PEX11G: variants seen among roughly 807,000 people sequenced by gnomAD.
The protein encoded by PEX11G is peroxisomal membrane protein 11C.
In PEX11G, 20 loss-of-function variants were observed where a neutral mutation model predicts 22.5. The observed-to-expected ratio is 0.89, with a 90% confidence interval of 0.62 to 1.29. The LOEUF (loss-of-function observed/expected upper bound fraction) is 1.29. PEX11G is among the 50% of genes most tolerant of loss of function. The pLI is 0.00. For synonymous variants in PEX11G, 141 were observed against 154.5 expected, an observed-to-expected ratio of 0.91 and a Z score of 0.65; for missense variants, 347 against 331.3, an observed-to-expected ratio of 1.05 and a Z score of -0.37.
chr19:7,477,195 G>T lies in PEX11G; in HGVS notation c.*7C>A. Reference sequence around the variant, plus strand: ...TCTGGCTGTGTCCCTGTGCTCTTCCGGCAGTGTCAGGGGGTAGTGGCCTCG... The same window carrying T: ...TCTGGCTGTGTCCCTGTGCTCTTCCTGCAGTGTCAGGGGGTAGTGGCCTCG... On this transcript the variant is annotated 3_prime_UTR_variant, in exon 5 of 5. Coordinates refer to ENST00000221480, the MANE Select transcript of PEX11G (RefSeq NM_080662.4). 6.8e-7 allele frequency: 1 copy of T among 1,469,220 alleles called. No homozygotes were observed. Among genetic ancestry groups the T allele is most frequent in the Non-Finnish European group, 9.0e-7 (1 of 1,112,174 alleles). 91.0% of individuals were successfully genotyped at this position (1,469,220 alleles called of 1,614,324 possible).
rs191382173 is a variant in PEX11G, at chr19:7,488,836, G to C, written c.60+115C>G. 271 of 1,064,380 alleles carry C rather than the reference G, an allele frequency of 2.5e-4. 1 individual carries two copies. The African/African-American group carries it at 4.0e-3, about 16-fold the overall frequency. 65.9% of individuals were successfully genotyped at this position (1,064,380 alleles called of 1,614,324 possible). On this transcript the variant is annotated intron_variant, in intron 1 of 4. Coordinates refer to ENST00000221480, the MANE Select transcript of PEX11G (RefSeq NM_080662.4). ...CACCGCATTTGAGCCTAGCTCGGAC[G>C]GGGCCTCTGCGACGGAGTATCCTGG...
At chr19:7,488,723 A>C (rs1000854963) in intron 1 of PEX11G, among the ~76,000 whole-genome samples, 10 of 152,122 alleles carry the variant, frequency 6.6e-5, no homozygotes, top group Admixed American at 3.3e-4. Context: ...AATCGCTTGA[A>C]CCCGGGAAGC....
Position 7,485,880 on chromosome 19 carries a change from C to T in PEX11G, c.207G>A (p.Leu69=). 6.2e-7 allele frequency: 1 copy of T among 1,613,038 alleles called. No homozygotes were observed. The highest frequency in any genetic ancestry group is 1.3e-5 in the African/African-American group (1 of 75,024). Residue 69 remains leucine (L), a synonymous_variant, in exon 2 of 5, where the codon CTG becomes CTA. Transcript: ENST00000221480. ...ATTGCTTAGTGTAGACAAACATGGC[C>T]AGGTCATCAAAGAGTCGCAAGATGG... ...CRTILRLFDD[L]AMFVYTKQYG... is the part of the protein sequence containing the mutation.
At chr19:7,492,372 T>C (rs897073271), upstream of PEX11G, among the ~76,000 whole-genome samples, 14 of 152,204 alleles carry the variant, frequency 9.2e-5, no homozygotes, top group African/African-American at 3.4e-4. Context: ...AGGTGTGACG[T>C]GCCACCCCAT....
Position 7,487,849 on chromosome 19 carries a change from G to A in PEX11G, c.60+1102C>T, listed in dbSNP as rs2021731667. Among the ~76,000 whole-genome samples, 6 of 152,122 alleles carry A rather than the reference G, an allele frequency of 3.9e-5. 1 individual carries two copies. The South Asian group carries it at 1.0e-3, about 26-fold the overall frequency. On this transcript the variant is annotated intron_variant, in intron 1 of 4. Coordinates refer to ENST00000221480, the MANE Select transcript of PEX11G (RefSeq NM_080662.4). ...ACACTGCAATCTGAATGTTCAACTCGGGGGAGATTTGTTAACCCACCCCCC... is the reference window on the plus strand; with the variant it reads ...ACACTGCAATCTGAATGTTCAACTCAGGGGAGATTTGTTAACCCACCCCCC...
intron 3 of PEX11G, among the ~76,000 whole-genome samples, chr19:7,481,641 T>C (rs1977492636): frequency 6.6e-6 from 1 of 151,956 alleles, no homozygotes; most frequent in Non-Finnish European, 1.5e-5. Flanking sequence ...AGGTCATGCT[T>C]GGAAGATGAA....
At chr19:7,484,599 C>G (rs2021551380) in intron 2 of PEX11G, among the ~76,000 whole-genome samples, 1 of 151,842 alleles carries the variant, frequency 6.6e-6, no homozygotes, top group Non-Finnish European at 1.5e-5. Flanking sequence ...ATGACAAAAC[C>G]CCGTCTCTAC....
upstream of PEX11G, among the ~76,000 whole-genome samples, chr19:7,490,417 T>C (rs563454022): frequency 8.7e-4 from 131 of 151,310 alleles, 3 homozygotes; most frequent in South Asian, 7.7e-3. Context: ...GCCTCGCGGG[T>C]TCACGCCATT....
At chr19:7,485,253 C>G (rs1179735802) in intron 2 of PEX11G, among the ~76,000 whole-genome samples, 1 of 152,234 alleles carries the variant, frequency 6.6e-6, no homozygotes, top group Non-Finnish European at 1.5e-5. Context: ...TCATGGCAAC[C>G]TCCACCTCCC....
chr19:7,494,275 CCAGCTACTCA>C lies in PEX11G; in HGVS notation c.-457+3118_-457+3127del, dbSNP rs1397634708. Among the ~76,000 whole-genome samples, 148 of 152,246 alleles carry C rather than the reference CCAGCTACTCA, an allele frequency of 9.7e-4. No homozygotes were observed. In the Middle Eastern group the frequency reaches 0.024, roughly 24 times the overall value. ...GCTGCAGTGGCCTGTGCCTGTGGTC[CCAGCTACTCA>C]GGAGTCTGAGGCACGAGAATCGATT... On this transcript the variant is annotated intron_variant, in intron 1 of 6. Coordinates refer to the PEX11G transcript ENST00000593942.
rs1977336109 is a variant in PEX11G, at chr19:7,478,435, C to T, written c.429-59G>A. On this transcript the variant is annotated intron_variant, in intron 3 of 4. Transcript: ENST00000221480. The stretch of plus-strand genomic sequence containing the variant: ...GCGGGGAGCAGGAGGGTTAGCTCCA[C>T]AACGCTGGCCCCGGACATACAGTCT... The T allele has an allele frequency of 1.1e-5, 17 of 1,531,850 alleles. No individual in the cohort carries two copies. In the South Asian group the frequency reaches 2.0e-4, roughly 18 times the overall value. 94.9% of individuals were successfully genotyped at this position (1,531,850 alleles called of 1,614,324 possible). A position where few individuals can be genotyped will look rare whatever the true frequency, so the allele number is the denominator to read the frequency against.
chr19:7,489,634 C>T, upstream of PEX11G: 1 of 345,302 alleles, frequency 2.9e-6, no homozygotes, highest in Non-Finnish European at 4.1e-6. Flanking sequence ...GAGAGACCCC[C>T]GTAGGAGACC....
At chr19:7,482,530 C>G (rs1402618639) in intron 2 of PEX11G, among the ~76,000 whole-genome samples, 2 of 152,252 alleles carry the variant, frequency 1.3e-5, no homozygotes, top group Admixed American at 1.3e-4. Context: ...CAGCCTGGGG[C>G]AGGCCCCAGT....
At chr19:7,481,901 T>G in intron 3 of PEX11G, 132 bp downstream of exon 3, 1 of 911,724 alleles carries the variant, frequency 1.1e-6, no homozygotes, top group Non-Finnish European at 1.6e-6. Flanking sequence ...CAACAAAACC[T>G]CCAAGGAAAA....
Position 7,488,934 on chromosome 19 carries a change from G to C in PEX11G, c.60+17C>G. ...CCAAACTCTAGGACCTCCGGCCCCG[G>C]TCCGCCCCTGCCTCACCAGGCGGTC... On this transcript the variant is annotated intron_variant, in intron 1 of 4. Coordinates refer to ENST00000221480, the MANE Select transcript of PEX11G (RefSeq NM_080662.4). The C allele has an allele frequency of 6.5e-7, 1 of 1,549,250 alleles. No individual in the cohort carries two copies. The highest frequency in any genetic ancestry group is 8.7e-7 in the Non-Finnish European group (1 of 1,147,708).
At chr19:7,488,906 G>A in intron 1 of PEX11G, 45 bp downstream of exon 1, 3 of 1,540,058 alleles carry the variant, frequency 1.9e-6, no homozygotes, top group Non-Finnish European at 1.8e-6. Context: ...CTCTGAGCTT[G>A]GGCCAAACTC....
At chr19:7,484,446 G>A (rs376736132) in intron 2 of PEX11G, among the ~76,000 whole-genome samples, 1 of 152,012 alleles carries the variant, frequency 6.6e-6, no homozygotes, top group East Asian at 1.9e-4. Context: ...TTGCCTATGC[G>A]AGTACAGGAA....
At chr19:7,489,239 C>T, upstream of PEX11G, 1 of 1,220,292 alleles carries the variant, frequency 8.2e-7, no homozygotes, top group Non-Finnish European at 1.0e-6. Context: ...GAGTTTGCTG[C>T]ATTCTGCCCC....
chr19:7,481,953 GTTGCTGGGGCCGCTGCC>G, intron 3 of PEX11G, 63 bp downstream of exon 3: 1 of 1,385,250 alleles, frequency 7.2e-7, no homozygotes, highest in Non-Finnish European at 9.5e-7. Context: ...AGCCTGTGCT[GTTGCTGGGGCCGCTGCC>G]ACTTTGCTAA....
Sources: allele counts gnomAD v4.1 joint callset (sites outside exome capture counted in the v4.1 genomes callset), GRCh38; gene constraint gnomAD v4.1.1; transcripts MANE v1.5; gene names NCBI Gene and HGNC (gene_info 2026-07-23, HGNC 2026-07-21).